ANO3: variants seen among roughly 807,000 people sequenced by gnomAD.
ANO3 encodes anoctamin 3.
Under a neutral mutation model 144.8 loss-of-function variants are expected in ANO3, and 99 were observed. The ratio of observed to expected loss-of-function variants is 0.68; its 90% confidence interval spans 0.58 to 0.81. The LOEUF (loss-of-function observed/expected upper bound fraction) is 0.81. Among genes scored for constraint, ANO3 ranks in the 30% least tolerant of loss-of-function variants. The pLI, the probability that ANO3 is intolerant of heterozygous loss-of-function variation, is 0.00. For synonymous variants in ANO3, 414 were observed against 392.6 expected (o/e 1.05, Z -0.64); for missense variants, 905 against 1,202.2 (o/e 0.75, Z 3.66).
intron 6 of ANO3, among the ~76,000 whole-genome samples, chr11:26,517,352 C>T (rs1321886403): frequency 6.6e-6 from 1 of 151,976 alleles, no homozygotes; most frequent in Admixed American, 6.6e-5. Flanking sequence ...GTCAATGCAA[C>T]CAGGAAGGTT....
chr11:26,581,284 C>T (rs1400631880), intron 14 of ANO3, among the ~76,000 whole-genome samples: 1 of 146,640 alleles, frequency 6.8e-6, no homozygotes, highest in East Asian at 2.0e-4. Flanking sequence ...CAGTTCTCTT[C>T]TTTGGAAATA....
upstream of ANO3, among the ~76,000 whole-genome samples, chr11:26,327,503 GA>G (rs1322701136): frequency 6.6e-6 from 1 of 152,084 alleles, no homozygotes; most frequent in East Asian, 1.9e-4. Context: ...ATTCCCAGTG[GA>G]GAAAACAGCA....
At chr11:26,592,404 T>C (rs293998) in intron 14 of ANO3, among the ~76,000 whole-genome samples, 132,643 of 151,644 alleles carry the variant, frequency 0.87, 58,332 homozygotes, top group East Asian at 0.96. Context: ...TTGAAAGCGG[T>C]GCCATTGACA....
chr11:26,323,601 C>T (rs1854813768), intron 1 of ANO3, among the ~76,000 whole-genome samples: 1 of 152,090 alleles, frequency 6.6e-6, no homozygotes, highest in Non-Finnish European at 1.5e-5. Context: ...CTGTGCTCTC[C>T]TAGCCTCAGA....
intron 14 of ANO3, among the ~76,000 whole-genome samples, chr11:26,585,338 A>G (rs557348771): frequency 6.6e-6 from 1 of 152,184 alleles, no homozygotes; most frequent in Non-Finnish European, 1.5e-5. Context: ...CTACCTATAT[A>G]TATAAGCCTT....
intron 1 of ANO3, among the ~76,000 whole-genome samples, chr11:26,267,115 G>T (rs957481948): frequency 6.9e-6 from 1 of 144,274 alleles, no homozygotes; most frequent in African/African-American, 2.5e-5. Context: ...AAAAAGAAAA[G>T]AAAAGAAAAA....
intron 1 of ANO3, chr11:26,208,110 A>G (rs1851849201): frequency 6.6e-6 from 1 of 152,148 alleles, no homozygotes; most frequent in South Asian, 2.1e-4. Context: ...AATCTCATCT[A>G]TAAAAGCAAT....
intron 14 of ANO3, chr11:26,565,624 T>C: frequency 6.2e-7 from 1 of 1,612,470 alleles, no homozygotes; most frequent in Non-Finnish European, 8.5e-7. Flanking sequence ...TGGCTGTTGT[T>C]GGGTAGATTC....
chr11:26,316,592 G>T (rs1303531901), intron 1 of ANO3, among the ~76,000 whole-genome samples: 1 of 152,104 alleles, frequency 6.6e-6, no homozygotes, highest in African/African-American at 2.4e-5. Flanking sequence ...TAGACAACCG[G>T]TTAGACCACA....
chr11:26,634,052 T>G (rs1852870069), intron 18 of ANO3, 152 bp from the exon 19 acceptor site: 1 of 439,618 alleles, frequency 2.3e-6, no homozygotes, highest in Admixed American at 3.8e-5. Context: ...TATTCCAGCC[T>G]GGGCAACAGA....
chr11:26,591,508 G>A (rs1436953184), intron 14 of ANO3, among the ~76,000 whole-genome samples: 1 of 152,162 alleles, frequency 6.6e-6, no homozygotes, highest in Non-Finnish European at 1.5e-5. Context: ...GGATTGAAAT[G>A]TATGGCCTGA....
At chr11:26,470,587 G>T (rs1859745370) in intron 4 of ANO3, among the ~76,000 whole-genome samples, 5 of 152,004 alleles carry the variant, frequency 3.3e-5, no homozygotes, top group Admixed American at 3.3e-4. Flanking sequence ...GTACTATGTT[G>T]AAAATCTCTA....
At chr11:26,301,847 C>T (rs1217341375) in intron 1 of ANO3, among the ~76,000 whole-genome samples, 1 of 152,156 alleles carries the variant, frequency 6.6e-6, no homozygotes, top group Non-Finnish European at 1.5e-5. Flanking sequence ...TCTCAAAAGA[C>T]AAGGAGGCTC....
At chr11:26,319,247 C>A (rs560889285) in intron 1 of ANO3, among the ~76,000 whole-genome samples, 5 of 152,100 alleles carry the variant, frequency 3.3e-5, no homozygotes, top group Non-Finnish European at 5.9e-5. Flanking sequence ...GATCCTCCCA[C>A]CTCGGCCTCC....
intron 14 of ANO3, among the ~76,000 whole-genome samples, chr11:26,592,612 A>G (rs890034115): frequency 2.0e-5 from 3 of 148,672 alleles, no homozygotes; most frequent in Admixed American, 6.8e-5. Flanking sequence ...CTCCTGGGTA[A>G]TGGCCTGTTC....
intron 4 of ANO3, among the ~76,000 whole-genome samples, chr11:26,486,180 G>A (rs1257783059): frequency 3.3e-5 from 5 of 151,924 alleles, no homozygotes; most frequent in Admixed American, 6.6e-5. Flanking sequence ...GGCCAATATG[G>A]TAAAACCCTG....
chr11:26,550,118 T>C (rs962327438), intron 12 of ANO3, among the ~76,000 whole-genome samples: 12 of 151,908 alleles, frequency 7.9e-5, no homozygotes, highest in Admixed American at 2.0e-4. Flanking sequence ...GTCAGCTAAG[T>C]TTCAAGCCTA....
intron 1 of ANO3, among the ~76,000 whole-genome samples, chr11:26,425,690 T>C (rs1442416557): frequency 1.3e-5 from 2 of 152,140 alleles, no homozygotes; most frequent in Non-Finnish European, 2.9e-5. Context: ...CTTTCAACTA[T>C]TTCATTCAAA....
At chr11:26,603,497 T>C (rs976699174) in intron 17 of ANO3, among the ~76,000 whole-genome samples, 4 of 152,004 alleles carry the variant, frequency 2.6e-5, no homozygotes, top group Non-Finnish European at 5.9e-5. Flanking sequence ...GTAGTAGATA[T>C]TAAAAAAGAG....
Sources: gnomAD v4.1 joint callset for allele counts (sites outside exome capture counted in the v4.1 genomes callset) on GRCh38, gnomAD v4.1.1 for gene constraint, MANE v1.5 for transcripts, NCBI Gene and HGNC (gene_info 2026-07-23, HGNC 2026-07-21) for gene names.